CDH8: variants seen among roughly 807,000 people sequenced by gnomAD.
CDH8 encodes the protein cadherin-8.
In CDH8, 17 loss-of-function variants were observed where a neutral mutation model predicts 68.1. That is an observed-to-expected ratio of 0.25 (90% CI 0.17 to 0.37). The LOEUF is 0.37. Ranked by LOEUF, CDH8 falls within the 10% of genes least tolerant of loss-of-function variation. The pLI is 1.00. For missense variants in CDH8, 763 were observed against 999.3 expected (o/e 0.76, Z 3.19); for synonymous variants, 372 against 365.1 (o/e 1.02, Z -0.21).
In CDH8 at chr16:61,901,289, G is replaced by T; in HGVS notation, c.437C>A (p.Pro146His). ...AATAAATTCAGAAGGAGGCTCCAGA[G>T]GTTTGCTTGTCTCCCAGTCCACTGC... is the stretch of plus-strand genomic sequence containing the variant. ...AQAVDWETSKPLEPPSEFIIK... is the reference protein window; with the variant it reads ...AQAVDWETSKHLEPPSEFIIK... The change falls in exon 3 of 12, where the codon CCT (proline) becomes CAT (histidine). Residue 146 changes from proline to histidine, a missense_variant. This residue lies in a region of CDH8 where 366 missense variants were observed against 563.1 expected (regional missense o/e 0.65). Transcript: ENST00000577390. 6.2e-7 allele frequency: 1 copy of T among 1,613,976 alleles called. No individual in the cohort carries two copies. Among genetic ancestry groups the T allele is most frequent in the Non-Finnish European group, 8.5e-7 (1 of 1,179,944 alleles).
intron 2 of CDH8, among the ~76,000 whole-genome samples, chr16:61,941,325 T>C (rs1597079543): frequency 6.6e-6 from 1 of 152,218 alleles, no homozygotes; most frequent in East Asian, 1.9e-4. Context: ...AGATCTTCTT[T>C]GACCCAAAAT....
intron 2 of CDH8, among the ~76,000 whole-genome samples, chr16:62,009,288 G>A (rs145194558): frequency 6.6e-6 from 1 of 152,140 alleles, no homozygotes; most frequent in Non-Finnish European, 1.5e-5. Flanking sequence ...AAGTCACCAA[G>A]TTGGGGGCTG....
At position 61,901,210 on chromosome 16, in the gene CDH8, A is replaced by G. The variant is rs1004484956; in HGVS notation, c.516T>C (p.Tyr172=). ...TGGACATTTCTGGCACAGTAGCATG[A>G]TAGGGTCCATTAAGAAACTCTGGTG... ...DNAPEFLNGP[Y]HATVPEMSIL... is the part of the protein sequence containing the mutation. The change falls in exon 3 of 12, where the codon TAT becomes TAC. Residue 172 remains tyrosine, a synonymous_variant. Coordinates refer to ENST00000577390, the MANE Select transcript of CDH8 (RefSeq NM_001796.5). 3.0e-5 allele frequency: 49 copies of G among 1,613,972 alleles called. No individual in the cohort carries two copies. The highest frequency in any genetic ancestry group is 4.2e-5 in the Non-Finnish European group (49 of 1,179,902).
At chr16:61,950,399 A>C (rs1229154709) in intron 2 of CDH8, among the ~76,000 whole-genome samples, 1 of 152,220 alleles carries the variant, frequency 6.6e-6, no homozygotes, top group Admixed American at 6.5e-5. Context: ...GATGTGCATA[A>C]GAGTTCAATA....
rs1421105505 is a variant in CDH8 at position 61,655,679 on chromosome 16, C to A, written c.1697G>T (p.Arg566Leu). ...TAAAAGATAGACTTCTTGCTTCTGG[C>A]GGTTGAATCCATTATGCTTTGCCAA... ...SILAKHNGFNRQKQEVYLLPI... is the reference protein window; with the variant it reads ...SILAKHNGFNLQKQEVYLLPI... The change falls in exon 11 of 12, where the codon CGC becomes CTC. Residue 566 changes from arginine to leucine, a missense_variant. Around this residue, in one of 2 missense-constraint regions of CDH8, gnomAD observed 397 missense variants for 436.2 expected, o/e 0.91. Coordinates refer to ENST00000577390, the MANE Select transcript of CDH8 (RefSeq NM_001796.5). The A allele has an allele frequency of 6.2e-7, 1 of 1,613,796 alleles. No individual in the cohort carries two copies. The highest frequency in any genetic ancestry group is 8.5e-7 in the Non-Finnish European group (1 of 1,179,786).
chr16:61,979,919 G>A (rs1965502831), intron 2 of CDH8, among the ~76,000 whole-genome samples: 1 of 152,158 alleles, frequency 6.6e-6, no homozygotes, highest in South Asian at 2.1e-4. Context: ...ACTCTAGCAT[G>A]GAGAAGCGTG....
At chr16:61,861,043 T>C (rs939259281) in intron 3 of CDH8, among the ~76,000 whole-genome samples, 3 of 152,164 alleles carry the variant, frequency 2.0e-5, no homozygotes, top group Non-Finnish European at 2.9e-5. Flanking sequence ...AACAAAATAA[T>C]ATATGTAGGT....
At chr16:61,959,779 A>G (rs1330099016) in intron 2 of CDH8, among the ~76,000 whole-genome samples, 1 of 149,168 alleles carries the variant, frequency 6.7e-6, no homozygotes, top group East Asian at 2.0e-4. Context: ...ACACAGAGAC[A>G]GGGAGGATAT....
intron 2 of CDH8, among the ~76,000 whole-genome samples, chr16:61,938,655 A>G (rs764871833): frequency 2.8e-4 from 43 of 152,348 alleles, no homozygotes; most frequent in Non-Finnish European, 5.4e-4. Flanking sequence ...TCTGGTTGTT[A>G]GTCATAGCTG....
chr16:61,879,190 A>T (rs1043510074), intron 3 of CDH8, among the ~76,000 whole-genome samples: 6 of 152,160 alleles, frequency 3.9e-5, no homozygotes, highest in East Asian at 1.9e-4. Context: ...ACAACAATTT[A>T]AAAAAAATTT....
At chr16:61,854,561 A>G (rs1379382253) in intron 4 of CDH8, among the ~76,000 whole-genome samples, 2 of 152,096 alleles carry the variant, frequency 1.3e-5, no homozygotes, top group African/African-American at 2.4e-5. Flanking sequence ...TAAGCCCCTA[A>G]TAAGCCATTG....
intron 10 of CDH8, among the ~76,000 whole-genome samples, chr16:61,677,907 G>A (rs1361897866): frequency 1.1e-4 from 16 of 151,836 alleles, no homozygotes; most frequent in Admixed American, 9.2e-4. Flanking sequence ...AGGAAAAGTC[G>A]ACCAGCATTT....
Position 61,993,523 on chromosome 16 carries a change from AT to A in CDH8, c.252+27628del, listed in dbSNP as rs569716773. ...AGTAATCTTTTTTAACTCTAAAATG[AT>A]TTGTTAATTGCAATAGTAGTAGTAA... On this transcript the variant is annotated intron_variant, in intron 2 of 11. Transcript: ENST00000577390. Among the ~76,000 whole-genome samples the A allele has an allele frequency of 6.1e-4, 93 of 152,298 alleles. 1 individual carries two copies. The South Asian group carries it at 0.018, about 30-fold the overall frequency.
At chr16:61,889,994 C>G (rs772173488) in intron 3 of CDH8, among the ~76,000 whole-genome samples, 1 of 152,126 alleles carries the variant, frequency 6.6e-6, no homozygotes, top group Non-Finnish European at 1.5e-5. Context: ...TTCAATATTT[C>G]AAGTACCAGA....
intron 2 of CDH8, among the ~76,000 whole-genome samples, chr16:62,014,284 A>G (rs558148602): frequency 4.6e-5 from 7 of 152,290 alleles, no homozygotes; most frequent in Non-Finnish European, 7.3e-5. Context: ...TATTATTTAT[A>G]TTAGCAGCCA....
At chr16:61,693,550 T>A (rs915340260) in intron 10 of CDH8, 2 of 152,088 alleles carry the variant, frequency 1.3e-5, no homozygotes, top group African/African-American at 4.8e-5. Flanking sequence ...TCTAAACAAT[T>A]TAAGATGGCA....
At chr16:61,841,295 T>C (rs186858634) in intron 4 of CDH8, among the ~76,000 whole-genome samples, 52 of 152,298 alleles carry the variant, frequency 3.4e-4, no homozygotes, top group African/African-American at 1.2e-3. Context: ...CTGTTCTCCA[T>C]AGTGGTTGTC....
chr16:61,976,403 G>A (rs150015607), intron 2 of CDH8, among the ~76,000 whole-genome samples: 74 of 151,926 alleles, frequency 4.9e-4, no homozygotes, highest in Non-Finnish European at 7.7e-4. Flanking sequence ...TCTCTTTCTC[G>A]ACTGTTCAGT....
chr16:61,857,889 C>G (rs940727411), intron 3 of CDH8, among the ~76,000 whole-genome samples: 1 of 151,762 alleles, frequency 6.6e-6, no homozygotes, highest in African/African-American at 2.4e-5. Context: ...AATTTAATGC[C>G]AAGATGGGGA....
Sources: allele counts gnomAD v4.1 joint callset (sites outside exome capture counted in the v4.1 genomes callset), GRCh38; gene constraint gnomAD v4.1.1; regional missense constraint gnomAD v4.1.1; transcripts MANE v1.5; gene names NCBI Gene and HGNC (gene_info 2026-07-23, HGNC 2026-07-21).